The following RPGRIP1L variants were observed in gnomAD, a reference collection of about 807,000 sequenced individuals.
The protein encoded by RPGRIP1L is protein fantom.
Under a neutral mutation model 160.4 loss-of-function variants are expected in RPGRIP1L, and 131 were observed. The observed-to-expected ratio is 0.82, with a 90% CI of 0.71 to 0.94. The LOEUF (loss-of-function observed/expected upper bound fraction) is 0.94, where lower values mean the gene tolerates loss of function less well. RPGRIP1L is among the 40% of genes least tolerant of loss of function. The pLI is 0.00. For missense variants in RPGRIP1L, 1,522 were observed against 1,535.8 expected (o/e 0.99, Z 0.15); for synonymous variants, 510 against 515.8 (o/e 0.99, Z 0.15).
intron 4 of RPGRIP1L, among the ~76,000 whole-genome samples, chr16:53,689,833 A>G (rs555809695): frequency 7.2e-5 from 11 of 152,214 alleles, no homozygotes; most frequent in Non-Finnish European, 1.5e-4. Flanking sequence ...TGTCACTTCC[A>G]TGTCCTGAAC....
chr16:53,661,171 G>A (rs146773826), intron 10 of RPGRIP1L, among the ~76,000 whole-genome samples: 3,409 of 151,556 alleles, frequency 0.022, 53 homozygotes, highest in South Asian at 0.04. Context: ...GTGCATGCCT[G>A]TAGTCCCAGC....
chr16:53,628,590 T>C (rs1314959114), intron 22 of RPGRIP1L: 1 of 152,232 alleles, frequency 6.6e-6, no homozygotes, highest in Non-Finnish European at 1.5e-5. Flanking sequence ...TTTTAACAAC[T>C]GTTGATTATT....
At chr16:53,700,751 A>G (rs1246021182) in intron 1 of RPGRIP1L, 21 bp from the exon 2 acceptor site, 2 of 1,568,204 alleles carry the variant, frequency 1.3e-6, no homozygotes, top group South Asian at 2.3e-5. Context: ...AAGAAAATTC[A>G]AATAAACTCT....
chr16:53,625,950 C>T lies in RPGRIP1L; in HGVS notation c.3295-3594G>A, dbSNP rs953205339. ...AACAGATGCTTGAAGGCAGCATGCTCGTTAAGAGTCATCACCACTCCCTAA... is the reference window on the plus strand; with the variant it reads ...AACAGATGCTTGAAGGCAGCATGCTTGTTAAGAGTCATCACCACTCCCTAA... On this transcript the variant is annotated intron_variant, in intron 22 of 26. Coordinates refer to ENST00000647211, the MANE Select transcript of RPGRIP1L (RefSeq NM_015272.5). Among the ~76,000 whole-genome samples the T allele has an allele frequency of 4.0e-5, 6 of 151,608 alleles. No homozygotes were observed. In the South Asian group the frequency reaches 1.0e-3, roughly 26 times the overall value.
At chr16:53,622,385 A>G in intron 22 of RPGRIP1L, 29 bp from the exon 23 acceptor site, 1 of 608,526 alleles carries the variant, frequency 1.6e-6, no homozygotes, top group Non-Finnish European at 2.9e-6. Flanking sequence ...AAAAATCTTA[A>G]GATTAAGAAG....
chr16:53,630,969 G>A (rs1965479978), intron 22 of RPGRIP1L, among the ~76,000 whole-genome samples: 1 of 152,066 alleles, frequency 6.6e-6, no homozygotes, highest in Non-Finnish European at 1.5e-5. Flanking sequence ...CTGACCTCAG[G>A]TAATCTGCCC....
intron 20 of RPGRIP1L, 143 bp downstream of exon 20, chr16:53,638,167 T>C (rs1331573079): frequency 3.1e-6 from 2 of 654,948 alleles, no homozygotes; most frequent in Non-Finnish European, 2.7e-6. Context: ...ACCCTTGTCA[T>C]ATTTTTGACT....
intron 25 of RPGRIP1L, among the ~76,000 whole-genome samples, chr16:53,607,199 C>T (rs531393068): frequency 3.3e-5 from 5 of 152,312 alleles, no homozygotes; most frequent in Admixed American, 6.5e-5. Context: ...TTATACTTAT[C>T]TTACAGGGCT....
At chr16:53,632,300 T>C (rs1187194884) in intron 22 of RPGRIP1L, among the ~76,000 whole-genome samples, 1 of 152,214 alleles carries the variant, frequency 6.6e-6, no homozygotes, top group Admixed American at 6.5e-5. Context: ...GGACACTACT[T>C]CTAGTCCTAA....
At chr16:53,658,989 T>C in intron 10 of RPGRIP1L, 111 bp from the exon 11 acceptor site, 1 of 809,066 alleles carries the variant, frequency 1.2e-6, no homozygotes, top group Non-Finnish European at 2.0e-6. Context: ...AGTATTGTTC[T>C]GGTCAGAAAG....
chr16:53,654,522 G>A (rs903992671), intron 14 of RPGRIP1L, among the ~76,000 whole-genome samples: 2 of 152,134 alleles, frequency 1.3e-5, no homozygotes, highest in Non-Finnish European at 2.9e-5. Flanking sequence ...GGTAGAAATA[G>A]GCATTCTCTC....
At chr16:53,686,817 T>A (rs1382454222) in intron 5 of RPGRIP1L, among the ~76,000 whole-genome samples, 1 of 152,194 alleles carries the variant, frequency 6.6e-6, no homozygotes, top group African/African-American at 2.4e-5. Context: ...TGGACTTTGG[T>A]TTGATTCAAT....
chr16:53,650,855 G>C (rs1317315689), intron 15 of RPGRIP1L, among the ~76,000 whole-genome samples: 1 of 152,036 alleles, frequency 6.6e-6, no homozygotes, highest in Non-Finnish European at 1.5e-5. Flanking sequence ...TCTTTTGCTG[G>C]CTTTTCCTCC....
In RPGRIP1L at chr16:53,696,191, G is replaced by A; in HGVS notation, c.190C>T (p.Leu64Phe). Residue 64 changes from leucine (L) to phenylalanine (F), a missense_variant, in exon 3 of 27, where the codon CTT becomes TTT. Leu to Phe is a conservative substitution (Grantham distance 22). Coordinates refer to ENST00000647211, the MANE Select transcript of RPGRIP1L (RefSeq NM_015272.5). ...FLRLHDENIL[L>F]KQHARKQEDK... The stretch of plus-strand genomic sequence containing the variant: ...TCCTGCTTGCGGGCATGCTGTTTAA[G>A]TAAAATGTTCTCATCATGCAAACGC... The A allele has an allele frequency of 6.2e-7, 1 of 1,613,984 alleles. No individual in the cohort carries two copies.
chr16:53,686,966 A>G (rs1970062731), intron 5 of RPGRIP1L, among the ~76,000 whole-genome samples: 1 of 152,156 alleles, frequency 6.6e-6, no homozygotes, highest in Admixed American at 6.5e-5. Flanking sequence ...AGAGGGCAGG[A>G]AATTTGCCAA....
At chr16:53,659,260 G>GT (rs1308259493) in intron 10 of RPGRIP1L, 2 of 842,072 alleles carry the variant, frequency 2.4e-6, no homozygotes, top group African/African-American at 1.8e-5. Flanking sequence ...TTGTCTTTTA[G>GT]TTTTTTAATT....
intron 9 of RPGRIP1L, among the ~76,000 whole-genome samples, chr16:53,669,068 C>A (rs1207995703): frequency 6.6e-6 from 1 of 152,136 alleles, no homozygotes; most frequent in East Asian, 1.9e-4. Context: ...AACATGTTAT[C>A]ATTATGACTA....
intron 6 of RPGRIP1L, among the ~76,000 whole-genome samples, chr16:53,683,262 A>T (rs12597721): frequency 0.051 from 7,742 of 152,154 alleles, 392 homozygotes; most frequent in East Asian, 0.3. Flanking sequence ...AACTTGTTGG[A>T]AAGGAGAAAA....
chr16:53,600,037 T>A lies in RPGRIP1L; in HGVS notation c.*2039A>T, dbSNP rs1963312357. The A allele has an allele frequency of 6.6e-6, 1 of 152,284 alleles. No individual in the cohort carries two copies. Among genetic ancestry groups the A allele is most frequent in the Admixed American group, 6.5e-5 (1 of 15,280 alleles). 9.4% of individuals were successfully genotyped at this position (152,284 alleles called of 1,614,324 possible). A position where few individuals can be genotyped will look rare whatever the true frequency, so the allele number is the denominator to read the frequency against. Reference sequence around the variant, plus strand: ...CCATAAGTTTTCTAAGAAAAACTTTTCCTTTCCACTTAATGATCCTAAGAA... The same window carrying A: ...CCATAAGTTTTCTAAGAAAAACTTTACCTTTCCACTTAATGATCCTAAGAA... On this transcript the variant is annotated 3_prime_UTR_variant, in exon 27 of 27. Transcript: ENST00000647211.
Sources: allele counts gnomAD v4.1 joint callset (sites outside exome capture counted in the v4.1 genomes callset), GRCh38; gene constraint gnomAD v4.1.1; transcripts MANE v1.5; gene names NCBI Gene and HGNC (gene_info 2026-07-23, HGNC 2026-07-21).